FHIT: variants seen among roughly 807,000 people sequenced by gnomAD.
The protein encoded by FHIT is fragile histidine triad diadenosine triphosphatase.
Under a neutral mutation model 17.9 loss-of-function variants are expected in FHIT, and 19 were observed. The observed-to-expected ratio is 1.06, with a 90% CI of 0.74 to 1.56. FHIT has a LOEUF of 1.56. Among genes scored for constraint, FHIT ranks in the 40% most tolerant of loss-of-function variants. The pLI is 0.00. For synonymous variants in FHIT, 81 were observed against 69.7 expected, an observed-to-expected ratio of 1.16 and a Z score of -0.81; for missense variants, 248 against 189.2, an observed-to-expected ratio of 1.31 and a Z score of -1.82.
At chr3:60,705,359 C>T (rs1223706585) in intron 4 of FHIT, among the ~76,000 whole-genome samples, 3 of 152,098 alleles carry the variant, frequency 2.0e-5, no homozygotes, top group Non-Finnish European at 4.4e-5. Context: ...AGAACCTTCA[C>T]CTTGTTTCAG....
intron 5 of FHIT, among the ~76,000 whole-genome samples, chr3:60,141,769 A>G (rs1700049158): frequency 6.6e-6 from 1 of 152,198 alleles, no homozygotes; most frequent in African/African-American, 2.4e-5. Flanking sequence ...GTTTACCAAC[A>G]AACTTCAGCA....
chr3:60,364,474 A>G lies in FHIT; in HGVS notation c.103+172386T>C, dbSNP rs1463927852. Among the ~76,000 whole-genome samples the G allele has an allele frequency of 3.3e-5, 5 of 152,202 alleles. 1 individual carries two copies. The highest frequency in any genetic ancestry group is 2.0e-4 in the Admixed American group (3 of 15,276). On this transcript the variant is annotated intron_variant, in intron 5 of 9. Transcript: ENST00000492590. ...GACTGGCAAAATCTCAGCATGCACC[A>G]CTGTACCTGGTATGCAGTAGGTAAA...
chr3:60,797,851 C>T (rs1701039193), intron 4 of FHIT, among the ~76,000 whole-genome samples: 1 of 151,732 alleles, frequency 6.6e-6, no homozygotes, highest in East Asian at 1.9e-4. Flanking sequence ...CTTCATTTTG[C>T]TTTTTAAATT....
intron 4 of FHIT, among the ~76,000 whole-genome samples, chr3:60,548,604 T>C (rs990056379): frequency 2.0e-5 from 3 of 152,186 alleles, no homozygotes; most frequent in African/African-American, 7.2e-5. Flanking sequence ...GAGCGCATAT[T>C]TCCCTTGCCT....
intron 5 of FHIT, among the ~76,000 whole-genome samples, chr3:60,142,301 G>A (rs542265989): frequency 6.6e-6 from 1 of 152,088 alleles, no homozygotes; most frequent in African/African-American, 2.4e-5. Context: ...AACTGAATTG[G>A]GTACTGCTCA....
At position 61,066,463 on chromosome 3, in the gene FHIT, A is replaced by C. The variant is rs1291685730; in HGVS notation, c.-163-24364T>G. Among the ~76,000 whole-genome samples the C allele has an allele frequency of 2.0e-5, 3 of 152,218 alleles. No homozygotes were observed. In the East Asian group the frequency reaches 5.8e-4, roughly 29 times the overall value. On this transcript the variant is annotated intron_variant, in intron 2 of 9. Transcript: ENST00000492590. ...ACCCCATCTCTACTAAAAATACAAA[A>C]AATTAGCCTTGCGTAGTGACATACA...
intron 8 of FHIT, among the ~76,000 whole-genome samples, chr3:59,817,226 T>C (rs971306168): frequency 6.6e-6 from 1 of 152,200 alleles, no homozygotes; most frequent in Non-Finnish European, 1.5e-5. Context: ...TTGTGTGTGT[T>C]GTTAGTGTAC....
At chr3:60,780,950 C>CT (rs1700365858) in intron 4 of FHIT, among the ~76,000 whole-genome samples, 1 of 152,120 alleles carries the variant, frequency 6.6e-6, no homozygotes, top group South Asian at 2.1e-4. Context: ...CCGGTTCCCC[C>CT]TTTGTCTTCT....
intron 8 of FHIT, among the ~76,000 whole-genome samples, chr3:59,856,092 C>T (rs1011540945): frequency 5.2e-4 from 79 of 152,108 alleles, no homozygotes; most frequent in African/African-American, 1.8e-3. Context: ...ATAGATAAAC[C>T]TTTGACAATA....
chr3:60,317,279 C>T (rs1333702964), intron 5 of FHIT, among the ~76,000 whole-genome samples: 1 of 151,800 alleles, frequency 6.6e-6, no homozygotes, highest in African/African-American at 2.4e-5. Context: ...ATAACAAGTG[C>T]ATATATAACT....
At chr3:60,499,484 C>G (rs1346209186) in intron 5 of FHIT, among the ~76,000 whole-genome samples, 1 of 152,048 alleles carries the variant, frequency 6.6e-6, no homozygotes, top group Non-Finnish European at 1.5e-5. Context: ...CTCCTCCTCC[C>G]GGGTTCACGC....
chr3:60,848,813 GA>G (rs1228651958), intron 3 of FHIT, among the ~76,000 whole-genome samples: 2 of 151,914 alleles, frequency 1.3e-5, no homozygotes, highest in African/African-American at 4.8e-5. Context: ...GTATATAATG[GA>G]TTTTTTTTCC....
chr3:60,112,319 T>A (rs149099056), intron 5 of FHIT, among the ~76,000 whole-genome samples: 2 of 152,162 alleles, frequency 1.3e-5, no homozygotes, highest in Admixed American at 6.5e-5. Flanking sequence ...CTTGGAGCCA[T>A]AGTAAAATCA....
At chr3:61,038,531 T>C (rs998216864) in intron 3 of FHIT, among the ~76,000 whole-genome samples, 1 of 152,220 alleles carries the variant, frequency 6.6e-6, no homozygotes, top group African/African-American at 2.4e-5. Context: ...CATTTTCAAG[T>C]CAGTTGGGGA....
At chr3:60,427,976 A>G (rs1301669526) in intron 5 of FHIT, among the ~76,000 whole-genome samples, 1 of 152,146 alleles carries the variant, frequency 6.6e-6, no homozygotes, top group East Asian at 1.9e-4. Flanking sequence ...ATTAGAACCA[A>G]TAATTGGCCA....
chr3:60,024,879 A>G (rs1700682562), intron 5 of FHIT, among the ~76,000 whole-genome samples: 1 of 152,196 alleles, frequency 6.6e-6, no homozygotes, highest in Admixed American at 6.5e-5. Flanking sequence ...GTGGAGATGT[A>G]TGACAGATTC....
intron 5 of FHIT, among the ~76,000 whole-genome samples, chr3:60,041,503 C>T (rs140411034): frequency 6.6e-6 from 1 of 152,216 alleles, no homozygotes; most frequent in Non-Finnish European, 1.5e-5. Flanking sequence ...TAGCCACACA[C>T]TTGTTTACCA....
At chr3:59,861,091 GAGA>G (rs1302510054) in intron 8 of FHIT, among the ~76,000 whole-genome samples, 12 of 152,112 alleles carry the variant, frequency 7.9e-5, no homozygotes, top group African/African-American at 2.9e-4. Context: ...CTGGCAGGAT[GAGA>G]AGAATGGACT....
chr3:60,732,324 G>T, intron 4 of FHIT: 1 of 939,696 alleles, frequency 1.1e-6, no homozygotes, highest in Non-Finnish European at 1.7e-6. Flanking sequence ...ATTTGTGTTG[G>T]GTCCAGCATT....
Sources: allele counts gnomAD v4.1 joint callset (sites outside exome capture counted in the v4.1 genomes callset), GRCh38; gene constraint gnomAD v4.1.1; transcripts MANE v1.5; gene names NCBI Gene and HGNC (gene_info 2026-07-23, HGNC 2026-07-21).